The following SOX5 variants were observed in gnomAD, a reference collection of about 807,000 sequenced individuals.
SOX5 encodes the protein transcription factor SOX-5.
Under a neutral mutation model 92.0 loss-of-function variants are expected in SOX5, and 9 were observed. The observed-to-expected ratio is 0.10, with a 90% CI of 0.06 to 0.17. The LOEUF (loss-of-function observed/expected upper bound fraction) is 0.17. SOX5 is among the 10% of genes least tolerant of loss of function. SOX5 has a pLI of 1.00. For missense variants in SOX5, 642 were observed against 944.5 expected (o/e 0.68, Z 4.20); for synonymous variants, 344 against 336.3 (o/e 1.02, Z -0.25).
At chr12:24,157,178 G>A (rs1593719458) in intron 4 of SOX5, among the ~76,000 whole-genome samples, 1 of 151,806 alleles carries the variant, frequency 6.6e-6, no homozygotes. Flanking sequence ...ATGGTATCGT[G>A]GCATTCCTAT....
chr12:23,979,707 G>GTTGTTGTTTTTTTTTT (rs1949333613), intron 4 of SOX5, among the ~76,000 whole-genome samples: 2 of 77,472 alleles, frequency 2.6e-5, no homozygotes, highest in African/African-American at 1.1e-4. Context: ...TGTTTTTTTT[G>GTTGTTGTTTTTTTTTT]TTTTTTTTTT....
At chr12:23,979,246 C>CA (rs1473174117) in intron 4 of SOX5, among the ~76,000 whole-genome samples, 1 of 152,016 alleles carries the variant, frequency 6.6e-6, no homozygotes, top group Non-Finnish European at 1.5e-5. Context: ...GTCTTTGAGA[C>CA]AGAGTCTTAC....
intron 1 of SOX5, among the ~76,000 whole-genome samples, chr12:23,923,111 A>T (rs1938888690): frequency 6.6e-6 from 1 of 152,002 alleles, no homozygotes; most frequent in African/African-American, 2.4e-5. Context: ...ACGCCCGGCT[A>T]ATTTTTTGTA....
chr12:24,507,979 A>C (rs186952668), intron 1 of SOX5, among the ~76,000 whole-genome samples: 1 of 152,166 alleles, frequency 6.6e-6, no homozygotes, highest in Non-Finnish European at 1.5e-5. Flanking sequence ...AGAAAATGGC[A>C]TCAGTGAAAA....
chr12:23,886,897 G>A (rs369341330), intron 2 of SOX5, among the ~76,000 whole-genome samples: 2 of 152,116 alleles, frequency 1.3e-5, no homozygotes, highest in African/African-American at 4.8e-5. Context: ...ATTTACTTAG[G>A]TAAGATTTTG....
chr12:23,743,802 GTGTT>G (rs1046084837), intron 4 of SOX5, among the ~76,000 whole-genome samples: 2 of 152,186 alleles, frequency 1.3e-5, no homozygotes, highest in African/African-American at 4.8e-5. Flanking sequence ...TTTTGGATCT[GTGTT>G]TGGCTGGGAA....
At chr12:23,683,543 G>T (rs1413143282) in intron 6 of SOX5, among the ~76,000 whole-genome samples, 3 of 151,666 alleles carry the variant, frequency 2.0e-5, no homozygotes, top group African/African-American at 7.3e-5. Flanking sequence ...ACTCCTAAAG[G>T]TCACATGTGG....
upstream of SOX5, among the ~76,000 whole-genome samples, chr12:23,954,474 AGAAAGAAG>A (rs1157164859): frequency 2.0e-5 from 3 of 151,868 alleles, no homozygotes; most frequent in African/African-American, 7.2e-5. Flanking sequence ...AAAGAAAGAA[AGAAAGAAG>A]GAAACTTCCA....
chr12:23,578,362 T>C (rs1031239564), intron 9 of SOX5, among the ~76,000 whole-genome samples: 6 of 150,858 alleles, frequency 4.0e-5, no homozygotes, highest in Non-Finnish European at 5.9e-5. Context: ...TTCTCTATCA[T>C]AGAAACTATG....
intron 1 of SOX5, among the ~76,000 whole-genome samples, chr12:24,555,763 G>A (rs557698728): frequency 1.3e-5 from 2 of 152,174 alleles, no homozygotes; most frequent in African/African-American, 4.8e-5. Flanking sequence ...GTGTGACAGA[G>A]AGACAGAAAA....
At chr12:24,302,812 T>G (rs1287832623) in intron 2 of SOX5, among the ~76,000 whole-genome samples, 2 of 152,122 alleles carry the variant, frequency 1.3e-5, no homozygotes, top group Non-Finnish European at 2.9e-5. Context: ...CAGGGTCCAA[T>G]GCGTCACAAT....
At chr12:23,748,323 A>G (rs891615304) in intron 4 of SOX5, among the ~76,000 whole-genome samples, 2 of 152,116 alleles carry the variant, frequency 1.3e-5, no homozygotes, top group Non-Finnish European at 2.9e-5. Flanking sequence ...TAAACTTAAG[A>G]ACAAAGAAAA....
intron 2 of SOX5, among the ~76,000 whole-genome samples, chr12:23,875,347 T>G (rs2096916787): frequency 6.6e-6 from 1 of 152,202 alleles, no homozygotes; most frequent in African/African-American, 2.4e-5. Context: ...AGTTGGCTGC[T>G]GAAAGGTTTT....
intron 4 of SOX5, among the ~76,000 whole-genome samples, chr12:23,741,725 C>T (rs553881674): frequency 6.6e-6 from 1 of 152,202 alleles, no homozygotes; most frequent in Non-Finnish European, 1.5e-5. Flanking sequence ...AGCAAATATT[C>T]AAGTTTGAGA....
At chr12:24,099,406 G>T (rs551996624) in intron 4 of SOX5, among the ~76,000 whole-genome samples, 2 of 152,266 alleles carry the variant, frequency 1.3e-5, no homozygotes, top group African/African-American at 4.8e-5. Flanking sequence ...CCAAACTAAA[G>T]CTTCAGCAGA....
intron 2 of SOX5, among the ~76,000 whole-genome samples, chr12:24,339,587 C>T (rs928991801): frequency 1.3e-5 from 2 of 152,154 alleles, no homozygotes; most frequent in East Asian, 1.9e-4. Flanking sequence ...ATCAAATCTG[C>T]ATTTTTCAAA....
At chr12:24,064,310 A>G (rs1004154597) in intron 4 of SOX5, among the ~76,000 whole-genome samples, 7 of 152,208 alleles carry the variant, frequency 4.6e-5, no homozygotes, top group Non-Finnish European at 1.0e-4. Context: ...GGACACTGTA[A>G]TGCAATACGG....
intron 3 of SOX5, among the ~76,000 whole-genome samples, chr12:24,230,947 C>G (rs1963263756): frequency 6.6e-6 from 1 of 152,192 alleles, no homozygotes; most frequent in Non-Finnish European, 1.5e-5. Context: ...GAGAGAACAG[C>G]TGAATAACAA....
At chr12:24,361,044 G>A (rs1411071130) in intron 2 of SOX5, among the ~76,000 whole-genome samples, 1 of 152,078 alleles carries the variant, frequency 6.6e-6, no homozygotes, top group Non-Finnish European at 1.5e-5. Flanking sequence ...TGTTTACTGT[G>A]GTTACAGTGA....
Sources: gnomAD v4.1 joint callset for allele counts (sites outside exome capture counted in the v4.1 genomes callset) on GRCh38, gnomAD v4.1.1 for gene constraint, MANE v1.5 for transcripts, NCBI Gene and HGNC (gene_info 2026-07-23, HGNC 2026-07-21) for gene names.